PRKAR1B: variants seen among roughly 807,000 people sequenced by gnomAD.
The protein encoded by PRKAR1B is cAMP-dependent protein kinase type I-beta regulatory subunit.
PRKAR1B carries 22 observed loss-of-function variants against 46.5 expected under a neutral mutation model. That is an observed-to-expected ratio of 0.47 (90% CI 0.34 to 0.68). PRKAR1B has a LOEUF of 0.68. Among genes scored for constraint, PRKAR1B ranks in the 30% least tolerant of loss-of-function variants. The pLI is 0.01. For missense variants in PRKAR1B, 445 were observed against 535.6 expected (o/e 0.83, Z 1.67); for synonymous variants, 259 against 217.7 (o/e 1.19, Z -1.67).
intron 6 of PRKAR1B, among the ~76,000 whole-genome samples, chr7:598,833 T>G (rs1442342578): frequency 6.6e-6 from 1 of 152,168 alleles, no homozygotes; most frequent in Non-Finnish European, 1.5e-5. Context: ...CTTGGCCCCT[T>G]CAGGGAATGA....
chr7:700,233 G>A (rs1317347709), intron 2 of PRKAR1B, among the ~76,000 whole-genome samples: 3 of 152,120 alleles, frequency 2.0e-5, no homozygotes, highest in Non-Finnish European at 2.9e-5. Context: ...GCCCCCAAGC[G>A]ACCCACACAA....
intron 4 of PRKAR1B, among the ~76,000 whole-genome samples, chr7:674,501 T>C (rs1217843179): frequency 1.4e-5 from 2 of 145,294 alleles, no homozygotes; most frequent in African/African-American, 5.3e-5. Flanking sequence ...CACTCAGCTA[T>C]TCGAGTAGGC....
At chr7:661,478 C>T (rs1583377172) in intron 4 of PRKAR1B, among the ~76,000 whole-genome samples, 1 of 110,544 alleles carries the variant, frequency 9.0e-6, no homozygotes, top group African/African-American at 3.7e-5. Flanking sequence ...TTCCCCACCA[C>T]AACGGGTCCA....
chr7:671,386 C>A (rs1786246531), intron 4 of PRKAR1B, among the ~76,000 whole-genome samples: 1 of 152,298 alleles, frequency 6.6e-6, no homozygotes, highest in Non-Finnish European at 1.5e-5. Flanking sequence ...CGGGTGAGTT[C>A]CAAGAAGCAC....
At chr7:718,434 G>T (rs1223519744) in intron 1 of PRKAR1B, among the ~76,000 whole-genome samples, 2 of 149,022 alleles carry the variant, frequency 1.3e-5, no homozygotes, top group Non-Finnish European at 3.0e-5. Context: ...TCAGCTCACT[G>T]CAACCTCTGG....
At chr7:568,848 T>C (rs1388437074) in intron 9 of PRKAR1B, among the ~76,000 whole-genome samples, 2 of 152,090 alleles carry the variant, frequency 1.3e-5, no homozygotes, top group African/African-American at 4.8e-5. Flanking sequence ...ATTCCACATC[T>C]GTCTCGTCTG....
intron 4 of PRKAR1B, among the ~76,000 whole-genome samples, chr7:649,039 C>G (rs1784760099): frequency 6.6e-6 from 1 of 151,992 alleles, no homozygotes; most frequent in Non-Finnish European, 1.5e-5. Flanking sequence ...TGGCGGGTAC[C>G]TGTAATCTCA....
chr7:660,713 T>TC (rs1435724222), intron 4 of PRKAR1B, among the ~76,000 whole-genome samples: 10 of 89,524 alleles, frequency 1.1e-4, no homozygotes, highest in South Asian at 4.0e-4. Flanking sequence ...ATACCTACTC[T>TC]CCCCTCCATG....
At chr7:682,350 C>T (rs996618896) in intron 2 of PRKAR1B, among the ~76,000 whole-genome samples, 3 of 151,776 alleles carry the variant, frequency 2.0e-5, no homozygotes, top group African/African-American at 4.8e-5. Context: ...GGCTTCTGGC[C>T]GGGTGTGGTG....
At chr7:583,938 C>A (rs2128447067) in intron 8 of PRKAR1B, among the ~76,000 whole-genome samples, 1 of 152,348 alleles carries the variant, frequency 6.6e-6, no homozygotes, top group Non-Finnish European at 1.5e-5. Flanking sequence ...CAGGCTTCAG[C>A]AGCGTCTTTC....
At chr7:708,545 G>A (rs1396431319) in intron 2 of PRKAR1B, among the ~76,000 whole-genome samples, 1 of 152,234 alleles carries the variant, frequency 6.6e-6, no homozygotes, top group Non-Finnish European at 1.5e-5. Flanking sequence ...CTGGAGGGCA[G>A]TGTTGCAATC....
chr7:704,883 A>C (rs983647257), intron 2 of PRKAR1B, among the ~76,000 whole-genome samples: 1 of 152,226 alleles, frequency 6.6e-6, no homozygotes, highest in Non-Finnish European at 1.5e-5. Flanking sequence ...AGACAACCTA[A>C]TAAGAAAAAT....
intron 1 of PRKAR1B, chr7:726,879 G>C: frequency 1.5e-6 from 2 of 1,327,340 alleles, no homozygotes. Flanking sequence ...TGGAGGCCCT[G>C]CGGCGCGCGC....
intron 1 of PRKAR1B, among the ~76,000 whole-genome samples, chr7:724,868 T>C (rs1781194467): frequency 6.6e-6 from 1 of 152,178 alleles, no homozygotes; most frequent in Non-Finnish European, 1.5e-5. Flanking sequence ...CAAATGCCTG[T>C]TGGAGGAAAC....
intron 9 of PRKAR1B, among the ~76,000 whole-genome samples, chr7:554,278 G>A (rs1487486340): frequency 6.6e-6 from 1 of 152,274 alleles, no homozygotes; most frequent in Non-Finnish European, 1.5e-5. Context: ...GCTGGGGTCT[G>A]GAGCAGGCCA....
intron 9 of PRKAR1B, among the ~76,000 whole-genome samples, chr7:558,327 G>GAA (rs1778576533): frequency 1.4e-5 from 1 of 70,962 alleles, no homozygotes; most frequent in Non-Finnish European, 2.8e-5. Context: ...CCCTGTCTCA[G>GAA]GAAAAAAAAA....
chr7:568,658 G>A (rs574435286), intron 9 of PRKAR1B, among the ~76,000 whole-genome samples: 7 of 152,354 alleles, frequency 4.6e-5, no homozygotes, highest in South Asian at 4.1e-4. Context: ...CCCCTGCTGC[G>A]GGGGGTGGAC....
chr7:685,804 T>C (rs1779065065), intron 2 of PRKAR1B, among the ~76,000 whole-genome samples: 1 of 152,178 alleles, frequency 6.6e-6, no homozygotes, highest in Non-Finnish European at 1.5e-5. Context: ...AACAAAGGCA[T>C]TTCCCCAGTA....
intron 3 of PRKAR1B, among the ~76,000 whole-genome samples, chr7:679,968 C>T (rs747704253): frequency 1.3e-5 from 2 of 152,056 alleles, no homozygotes; most frequent in Non-Finnish European, 2.9e-5. Flanking sequence ...ACCATCCTGG[C>T]TAACACAGTG....
Sources: gnomAD v4.1 joint callset for allele counts (sites outside exome capture counted in the v4.1 genomes callset) on GRCh38, gnomAD v4.1.1 for gene constraint, MANE v1.5 for transcripts, NCBI Gene and HGNC (gene_info 2026-07-23, HGNC 2026-07-21) for gene names.